GRAMD2B: variants seen among roughly 807,000 people sequenced by gnomAD.
GRAMD2B encodes the protein GRAM domain-containing protein 2B.
Under a neutral mutation model 59.2 loss-of-function variants are expected in GRAMD2B, and 41 were observed. The observed-to-expected ratio is 0.69, with a 90% CI of 0.54 to 0.90. GRAMD2B has a LOEUF of 0.90. Among genes scored for constraint, GRAMD2B ranks in the 40% least tolerant of loss-of-function variants. GRAMD2B has a pLI of 0.00. For missense variants in GRAMD2B, 424 were observed against 500.5 expected (o/e 0.85, Z 1.46); for synonymous variants, 161 against 182.7 (o/e 0.88, Z 0.96).
At chr5:126,416,192 C>T (rs1759253025) in intron 1 of GRAMD2B, among the ~76,000 whole-genome samples, 1 of 152,158 alleles carries the variant, frequency 6.6e-6, no homozygotes, top group Admixed American at 6.5e-5. Flanking sequence ...GGGTCTAAAC[C>T]ATCTGAGAGT....
At chr5:126,454,532 T>C (rs1765925458) in intron 1 of GRAMD2B, among the ~76,000 whole-genome samples, 1 of 152,218 alleles carries the variant, frequency 6.6e-6, no homozygotes. Context: ...AATTAATTGC[T>C]TTTTGGAGTT....
upstream of GRAMD2B, among the ~76,000 whole-genome samples, chr5:126,420,937 T>C (rs1420160529): frequency 6.6e-6 from 1 of 152,132 alleles, no homozygotes; most frequent in Admixed American, 6.5e-5. Flanking sequence ...TGCTATGACA[T>C]GGATTGACCT....
intron 1 of GRAMD2B, among the ~76,000 whole-genome samples, chr5:126,379,613 G>T (rs1399133203): frequency 6.6e-6 from 1 of 152,022 alleles, no homozygotes; most frequent in Non-Finnish European, 1.5e-5. Flanking sequence ...CAGGAGTAAG[G>T]TGGTATCGCA....
intron 6 of GRAMD2B, chr5:126,480,207 T>C (rs748027649): frequency 7.5e-6 from 3 of 398,558 alleles, no homozygotes; most frequent in Non-Finnish European, 1.3e-5. Flanking sequence ...GCCTTCATTT[T>C]GCCCTACATG....
chr5:126,373,642 G>A (rs985036258), intron 1 of GRAMD2B, among the ~76,000 whole-genome samples: 12 of 152,206 alleles, frequency 7.9e-5, no homozygotes, highest in Non-Finnish European at 2.9e-5. Context: ...GAATGCATAT[G>A]TGCATACATA....
At position 126,493,952 on chromosome 5, in the gene GRAMD2B, T is replaced by A. The variant is rs1185862165; in HGVS notation, c.*996T>A. 1 of 152,684 alleles carries A rather than the reference T, an allele frequency of 6.5e-6. No individual in the cohort carries two copies. Among genetic ancestry groups the A allele is most frequent in the Admixed American group, 6.5e-5 (1 of 15,282 alleles). The allele number at this position is 152,684 out of a possible 1,614,324, so 9.5% of individuals were successfully genotyped here. On this transcript the variant is annotated 3_prime_UTR_variant, in exon 14 of 14. Transcript: ENST00000285689. Reference sequence around the variant, plus strand: ...TGGCTGGTTTTTATTAATAATTGTTTAGGGTATCATAAGATCTGTAAGTAC... The same window carrying A: ...TGGCTGGTTTTTATTAATAATTGTTAAGGGTATCATAAGATCTGTAAGTAC...
chr5:126,430,783 C>T (rs964060438), intron 1 of GRAMD2B, among the ~76,000 whole-genome samples: 9 of 152,160 alleles, frequency 5.9e-5, no homozygotes, highest in African/African-American at 1.9e-4. Context: ...TACTTTGTAA[C>T]AATAAACATC....
At chr5:126,441,850 G>A (rs181348310) in intron 1 of GRAMD2B, among the ~76,000 whole-genome samples, 7 of 152,204 alleles carry the variant, frequency 4.6e-5, no homozygotes, top group African/African-American at 1.7e-4. Context: ...ACAGGAGACA[G>A]AACCTACCTG....
intron 1 of GRAMD2B, among the ~76,000 whole-genome samples, chr5:126,402,035 T>A (rs912066206): frequency 1.3e-5 from 2 of 151,948 alleles, no homozygotes; most frequent in Non-Finnish European, 1.5e-5. Flanking sequence ...TAGCTGAGAG[T>A]CTATTTTGTG....
chr5:126,361,673 G>T (rs1330722039), intron 1 of GRAMD2B, among the ~76,000 whole-genome samples: 1 of 151,988 alleles, frequency 6.6e-6, no homozygotes, highest in African/African-American at 2.4e-5. Flanking sequence ...AACTGCCCAG[G>T]GCTCTGCAGT....
chr5:126,379,549 A>T (rs185702893), intron 1 of GRAMD2B, among the ~76,000 whole-genome samples: 111 of 152,232 alleles, frequency 7.3e-4, no homozygotes, highest in Non-Finnish European at 1.4e-3. Context: ...CCTTTTCACC[A>T]CATCCACACC....
At chr5:126,389,524 C>A (rs766837829) in intron 1 of GRAMD2B, among the ~76,000 whole-genome samples, 1 of 151,964 alleles carries the variant, frequency 6.6e-6, no homozygotes, top group African/African-American at 2.4e-5. Flanking sequence ...TAGTAAGAGC[C>A]CCTGAATGGT....
chr5:126,441,024 TG>T (rs1763193395), intron 1 of GRAMD2B, among the ~76,000 whole-genome samples: 1 of 152,202 alleles, frequency 6.6e-6, no homozygotes, highest in Non-Finnish European at 1.5e-5. Flanking sequence ...ATGTTAAAAA[TG>T]ATGATATTCT....
rs765999173 is a variant in GRAMD2B, at chr5:126,469,728, T to C, written c.255T>C (p.Cys85=). The part of the protein sequence containing the change: ...GASLASDKND[C]KTESKNDPKT... The stretch of plus-strand genomic sequence containing the variant: ...CTTTAGCAAGTGATAAGAACGACTG[T>C]AAAACAGAAAGCAAAAATGACCCTA... The change falls in exon 3 of 14, where the codon TGT becomes TGC. Residue 85 remains cysteine (C), a synonymous_variant. Transcript: ENST00000285689. 2 of 1,614,022 alleles carry C rather than the reference T, an allele frequency of 1.2e-6. No individual in the cohort carries two copies. The highest frequency in any genetic ancestry group is 1.7e-6 in the Non-Finnish European group (2 of 1,179,928).
chr5:126,434,615 C>T (rs898314887), intron 1 of GRAMD2B, among the ~76,000 whole-genome samples: 2 of 151,802 alleles, frequency 1.3e-5, no homozygotes, highest in Non-Finnish European at 1.5e-5. Flanking sequence ...CCTCCCGGGT[C>T]CACACCATTC....
rs375052775 is a variant in GRAMD2B at position 126,387,333 on chromosome 5, A to T, written c.125+15766A>T. Among the ~76,000 whole-genome samples, 34 of 152,022 alleles carry T rather than the reference A, an allele frequency of 2.2e-4. No homozygotes were observed. In the East Asian group the frequency reaches 5.6e-3, roughly 25 times the overall value. ...ACAAGTTCTGTCTCAAGTCAAAATA[A>T]AACTTTTTTTCCCAACATTGCTACT... On this transcript the variant is annotated intron_variant, in intron 1 of 8. Coordinates refer to the GRAMD2B transcript ENST00000506445.
intron 2 of GRAMD2B, 85 bp downstream of exon 2, chr5:126,465,630 G>A (rs1027346269): frequency 3.3e-6 from 4 of 1,225,382 alleles, no homozygotes; most frequent in African/African-American, 3.0e-5. Flanking sequence ...TTTGTTAAGA[G>A]TGAGGATGTA....
chr5:126,447,559 G>A (rs1764498074), intron 1 of GRAMD2B, among the ~76,000 whole-genome samples: 1 of 151,904 alleles, frequency 6.6e-6, no homozygotes, highest in Non-Finnish European at 1.5e-5. Flanking sequence ...AGCTACTCAG[G>A]AGGCTGAGGC....
chr5:126,394,147 T>C (rs28577084), intron 1 of GRAMD2B, among the ~76,000 whole-genome samples: 20,882 of 151,304 alleles, frequency 0.14, 1,670 homozygotes, highest in East Asian at 0.25. Context: ...TGGTGGCGGG[T>C]GCCTGTAGTC....
Sources: allele counts gnomAD v4.1 joint callset (sites outside exome capture counted in the v4.1 genomes callset), GRCh38; gene constraint gnomAD v4.1.1; transcripts MANE v1.5; gene names NCBI Gene and HGNC (gene_info 2026-07-23, HGNC 2026-07-21).